Variants in ZNF462 observed in about 807,000 individuals in gnomAD.
ZNF462 encodes zinc finger protein 462.
In ZNF462, 10 loss-of-function variants were observed where a neutral mutation model predicts 201.9. That is an observed-to-expected ratio of 0.05 (90% confidence interval 0.03 to 0.08). ZNF462 has a LOEUF of 0.08. Ranked by LOEUF, ZNF462 falls within the 10% of genes least tolerant of loss-of-function variation. The pLI is 1.00. For synonymous variants in ZNF462, 1,227 were observed against 1,193.3 expected, an observed-to-expected ratio of 1.03 and a Z score of -0.58; for missense variants, 2,523 against 3,168.3, an observed-to-expected ratio of 0.80 and a Z score of 4.89.
rs1353621092 is a variant in ZNF462 at position 106,951,456 on chromosome 9, CA to C, written c.6427+12355del. 3.3e-5 allele frequency among the ~76,000 whole-genome samples: 5 copies of C among 152,034 alleles called. No individual in the cohort carries two copies. The East Asian group carries it at 9.6e-4, about 29-fold the overall frequency. On this transcript the variant is annotated intron_variant, in intron 7 of 12. Coordinates refer to ENST00000277225, the MANE Select transcript of ZNF462 (RefSeq NM_021224.6). ...TATCTTTTTCCAAATTGAGAGAAAG[CA>C]AAAAACAAGGGTAAGAAAGAAGCTT... is the stretch of plus-strand genomic sequence containing the variant.
intron 1 of ZNF462, among the ~76,000 whole-genome samples, chr9:106,877,296 ATTTTTTTTTTT>A (rs397893311): frequency 3.3e-5 from 3 of 91,218 alleles, no homozygotes; most frequent in African/African-American, 8.8e-5. Flanking sequence ...ACTACTCATG[ATTTTTTTTTTT>A]TTTTTTTTTT....
chr9:106,879,164 TC>T (rs1258732313), intron 1 of ZNF462, among the ~76,000 whole-genome samples: 2 of 152,136 alleles, frequency 1.3e-5, no homozygotes, highest in Non-Finnish European at 2.9e-5. Context: ...AGCCAGCAGT[TC>T]TGTTACCACC....
rs549946790 is a variant in ZNF462, at chr9:106,930,678, G to C, written c.6001G>C (p.Ala2001Pro). The stretch of plus-strand genomic sequence containing the variant: ...GTATGGCAATGTCCCAGCTGTGTCA[G>C]CTGCTGTGAAGGTGAGAACTGGAAG... ...VQYGNVPAVS[A>P]AVKGLRSHER... is the part of the protein sequence containing the mutation. Residue 2001 changes from alanine to proline, a missense_variant, in exon 4 of 13, where the codon GCT becomes CCT. This residue lies in a region of ZNF462 where 107 missense variants were observed against 187.7 expected (regional missense o/e 0.57). Coordinates refer to ENST00000277225, the MANE Select transcript of ZNF462 (RefSeq NM_021224.6). The surrounding 1 kb of genome is among the most constrained non-coding windows in gnomAD (Gnocchi z 5.8). 2.9e-5 allele frequency: 47 copies of C among 1,614,134 alleles called. No homozygotes were observed. Among genetic ancestry groups the C allele is most frequent in the Admixed American group, 1.8e-4 (11 of 60,024 alleles).
rs551845630 is a variant in ZNF462, at chr9:106,869,459, G to T, written c.-31+6104G>T. 6.6e-5 allele frequency among the ~76,000 whole-genome samples: 10 copies of T among 152,324 alleles called. No homozygotes were observed. The South Asian group carries it at 2.1e-3, about 32-fold the overall frequency. On this transcript the variant is annotated intron_variant, in intron 1 of 12. Transcript: ENST00000277225. ...AAGGGTGCAATGGGTTTCCACTTCTGTCTCTTCTTGGATGAGCAAAAGTGA... is the reference window on the plus strand; with the variant it reads ...AAGGGTGCAATGGGTTTCCACTTCTTTCTCTTCTTGGATGAGCAAAAGTGA...
rs1373110383 is a variant in ZNF462, at chr9:106,923,954, G to A, written c.221-179G>A. Among the ~76,000 whole-genome samples, 2 of 152,194 alleles carry A rather than the reference G, an allele frequency of 1.3e-5. No homozygotes were observed. The highest frequency in any genetic ancestry group is 4.8e-5 in the African/African-American group (2 of 41,456). On this transcript the variant is annotated intron_variant, in intron 2 of 12. Transcript: ENST00000277225. This position sits in a 1 kb window ranked among gnomAD's most constrained non-coding sequence, Gnocchi z 5.6. ...ACACTGCATCTTTATCCATGAGAAGGTGCAGTACGTATATCTTCATTGATG... is the reference window on the plus strand; with the variant it reads ...ACACTGCATCTTTATCCATGAGAAGATGCAGTACGTATATCTTCATTGATG...
chr9:106,894,352 A>G (rs1429831936), intron 1 of ZNF462, among the ~76,000 whole-genome samples: 1 of 152,240 alleles, frequency 6.6e-6, no homozygotes, highest in Non-Finnish European at 1.5e-5. Flanking sequence ...GCTTTAAGAA[A>G]GAACTTTGTA....
Position 107,012,439 on chromosome 9 carries a change from C to CTTTCT in ZNF462, c.*1412_*1413insCTTTT, listed in dbSNP as rs1278615659. 2.3e-5 allele frequency: 2 copies of CTTTCT among 86,312 alleles called. No individual in the cohort carries two copies. The highest frequency in any genetic ancestry group is 8.5e-5 in the African/African-American group (2 of 23,494). The allele number at this position is 86,312 out of a possible 1,614,324, so 5.3% of individuals were successfully genotyped here. A position where few individuals can be genotyped will look rare whatever the true frequency, so the allele number is the denominator to read the frequency against. On this transcript the variant is annotated 3_prime_UTR_variant, in exon 13 of 13. Transcript: ENST00000277225. ...GCCTGGAGAACTACTTTCTTTCTTT[C>CTTTCT]TTTTTTTTTTTTTTTTTTTTTTTTT...
chr9:106,879,332 A>ACCCCC (rs796290122), intron 1 of ZNF462, among the ~76,000 whole-genome samples: 110 of 70,602 alleles, frequency 1.6e-3, no homozygotes, highest in Non-Finnish European at 1.8e-3. Context: ...GATGCTTTCC[A>ACCCCC]CCCCCCCCCC....
At position 106,974,067 on chromosome 9, in the gene ZNF462, C is replaced by G; in HGVS notation, c.6696-70C>G. The G allele has an allele frequency of 6.3e-7, 1 of 1,598,264 alleles. No individual in the cohort carries two copies. Among genetic ancestry groups the G allele is most frequent in the Non-Finnish European group, 8.6e-7 (1 of 1,169,204 alleles). On this transcript the variant is annotated intron_variant, in intron 8 of 12. Coordinates refer to ENST00000277225, the MANE Select transcript of ZNF462 (RefSeq NM_021224.6). The surrounding 1 kb of genome is among the most constrained non-coding windows in gnomAD (Gnocchi z 4.0). The stretch of plus-strand genomic sequence containing the variant: ...ACTTGGACATATATAACGGGTTTGC[C>G]AGCAGGAAATGTGAAAATGCAATGA...
chr9:106,935,946 C>T lies in ZNF462; in HGVS notation c.6235+325C>T, dbSNP rs981172240. On this transcript the variant is annotated intron_variant, in intron 6 of 12. Coordinates refer to ENST00000277225, the MANE Select transcript of ZNF462 (RefSeq NM_021224.6). The surrounding 1 kb of genome is among the most constrained non-coding windows in gnomAD (Gnocchi z 4.1). The stretch of plus-strand genomic sequence containing the variant: ...CTGCCTATACTTTCTAATTCAATTG[C>T]CAAGAATTGTTATATCTATTAAAAA... Among the ~76,000 whole-genome samples the T allele has an allele frequency of 1.3e-5, 2 of 152,076 alleles. No homozygotes were observed. Among genetic ancestry groups the T allele is most frequent in the South Asian group, 4.1e-4 (2 of 4,824 alleles).
In ZNF462 at chr9:106,925,703, G is replaced by A; in HGVS notation, c.1791G>A (p.Leu597=). The A allele has an allele frequency of 6.2e-7, 1 of 1,614,098 alleles. No homozygotes were observed. The highest frequency in any genetic ancestry group is 8.5e-7 in the Non-Finnish European group (1 of 1,180,016). ...QPQPPTQAAP[L]HPYKCTMCNY... ...AGCCACCCACACAAGCCGCACCTCT[G>A]CACCCATACAAATGCACCATGTGTA... The change falls in exon 3 of 13, where the codon CTG becomes CTA. Residue 597 remains leucine (L), a synonymous_variant. Coordinates refer to ENST00000277225, the MANE Select transcript of ZNF462 (RefSeq NM_021224.6). This position sits in a 1 kb window ranked among gnomAD's most constrained non-coding sequence, Gnocchi z 7.9.
chr9:106,867,664 T>C (rs1827400917), intron 1 of ZNF462, among the ~76,000 whole-genome samples: 1 of 152,204 alleles, frequency 6.6e-6, no homozygotes, highest in African/African-American at 2.4e-5. Flanking sequence ...TAATGGACTT[T>C]AGAGTACTTG....
chr9:106,958,178 G>A (rs1831665857), intron 7 of ZNF462, among the ~76,000 whole-genome samples: 1 of 151,964 alleles, frequency 6.6e-6, no homozygotes, highest in Admixed American at 6.6e-5. Context: ...CTCACAGTGG[G>A]AATGCATTTC....
intron 7 of ZNF462, among the ~76,000 whole-genome samples, chr9:106,964,074 G>C (rs1831963994): frequency 6.7e-6 from 1 of 150,306 alleles, no homozygotes; most frequent in African/African-American, 2.5e-5. Flanking sequence ...TTCACATGTT[G>C]ATGAACACTT....
Position 106,920,375 on chromosome 9 carries a change from C to T in ZNF462, c.-30-2979C>T, listed in dbSNP as rs1264215115. On this transcript the variant is annotated intron_variant, in intron 1 of 12. Coordinates refer to ENST00000277225, the MANE Select transcript of ZNF462 (RefSeq NM_021224.6). This position sits in a 1 kb window ranked among gnomAD's most constrained non-coding sequence, Gnocchi z 4.3. ...AGCAACTTCTATTTTCTTCTTCTGT[C>T]AGCGTCTTCAGGAGAAATGTGTACA... Among the ~76,000 whole-genome samples the T allele has an allele frequency of 1.3e-5, 2 of 152,206 alleles. No individual in the cohort carries two copies. Among genetic ancestry groups the T allele is most frequent in the Non-Finnish European group, 2.9e-5 (2 of 68,044 alleles).
At chr9:106,873,004 G>T (rs1019667560) in intron 1 of ZNF462, among the ~76,000 whole-genome samples, 1 of 152,168 alleles carries the variant, frequency 6.6e-6, no homozygotes, top group African/African-American at 2.4e-5. Flanking sequence ...GCTGCAAAGT[G>T]GGGGAGCCAG....
At chr9:106,941,595 A>C (rs1830872857) in intron 7 of ZNF462, among the ~76,000 whole-genome samples, 1 of 152,262 alleles carries the variant, frequency 6.6e-6, no homozygotes, top group Non-Finnish European at 1.5e-5. Context: ...CACAAAAGTC[A>C]TTGGGCCTGT....
At chr9:106,958,146 A>G (rs1831664363) in intron 7 of ZNF462, among the ~76,000 whole-genome samples, 1 of 152,004 alleles carries the variant, frequency 6.6e-6, no homozygotes, top group South Asian at 2.1e-4. Context: ...ATCACTAGGG[A>G]ATGTGCTGCC....
In ZNF462 at chr9:106,929,322, G is replaced by T. The variant is rs1830330209; in HGVS notation, c.5410G>T (p.Gly1804Trp). The change falls in exon 3 of 13, where the codon GGG becomes TGG. Residue 1804 changes from glycine (G) to tryptophan (W), a missense_variant. Physicochemically the swap from Gly to Trp is radical, Grantham distance 184 (BLOSUM62 -2). This residue lies in a region of ZNF462 where 207 missense variants were observed against 231.6 expected (regional missense o/e 0.89). Transcript: ENST00000277225. This position sits in a 1 kb window ranked among gnomAD's most constrained non-coding sequence, Gnocchi z 8.7. ...FPKKQHASKL[G>W]GYFTAVYADE... ...AAAGAAGCAGCACGCCAGCAAGTTG[G>T]GGGGCTACTTCACGGCCGTCTATGC... 1 of 1,614,020 alleles carries T rather than the reference G, an allele frequency of 6.2e-7. No homozygotes were observed. The highest frequency in any genetic ancestry group is 1.7e-5 in the Admixed American group (1 of 60,012).
Sources: allele counts gnomAD v4.1 joint callset (sites outside exome capture counted in the v4.1 genomes callset), GRCh38; gene constraint gnomAD v4.1.1; regional missense constraint gnomAD v4.1.1; non-coding constraint Gnocchi (gnomAD v3.1); transcripts MANE v1.5; gene names NCBI Gene and HGNC (gene_info 2026-07-23, HGNC 2026-07-21).